The following LAMA1 variants were observed in gnomAD, a reference collection of about 807,000 sequenced individuals.
The protein encoded by LAMA1 is laminin subunit alpha 1.
Under a neutral mutation model 348.7 loss-of-function variants are expected in LAMA1, and 219 were observed. That is an observed-to-expected ratio of 0.63 (90% CI 0.56 to 0.70). The LOEUF (loss-of-function observed/expected upper bound fraction) is 0.70, where lower values mean the gene tolerates loss of function less well. Among genes scored for constraint, LAMA1 ranks in the 30% least tolerant of loss-of-function variants. LAMA1 has a pLI of 0.00. For synonymous variants in LAMA1, 1,487 were observed against 1,491.0 expected (o/e 1.00, Z 0.06); for missense variants, 3,744 against 3,888.0 (o/e 0.96, Z 0.99).
At chr18:7,067,498 T>C (rs1157332519) in intron 3 of LAMA1, among the ~76,000 whole-genome samples, 1 of 149,400 alleles carries the variant, frequency 6.7e-6, no homozygotes, top group Non-Finnish European at 1.5e-5. Context: ...AGGACAGCGG[T>C]TCCTCTGGCT....
At chr18:7,018,048 T>C (rs1460765552) in intron 19 of LAMA1, among the ~76,000 whole-genome samples, 1 of 152,026 alleles carries the variant, frequency 6.6e-6, no homozygotes, top group Non-Finnish European at 1.5e-5. Flanking sequence ...GAATATTTAA[T>C]ATGTTGGCTG....
intron 61 of LAMA1, among the ~76,000 whole-genome samples, chr18:6,944,317 G>A (rs976247688): frequency 5.3e-5 from 8 of 152,078 alleles, no homozygotes; most frequent in African/African-American, 1.4e-4. Flanking sequence ...CACCTGGCCC[G>A]GTCATACCTA....
At position 6,975,866 on chromosome 18, in the gene LAMA1, A is replaced by T; in HGVS notation, c.6489+71T>A. The T allele has an allele frequency of 1.9e-6, 3 of 1,590,442 alleles. No homozygotes were observed. In the Admixed American group the frequency reaches 5.1e-5, roughly 27 times the overall value. On this transcript the variant is annotated intron_variant, in intron 45 of 62. Transcript: ENST00000389658. The stretch of plus-strand genomic sequence containing the variant: ...AAGGCCTATTTTTTTTTCGTCAAAT[A>T]AGTGAAAATTCAGAAAAATCTAGAA...
At chr18:7,078,064 C>CAAAAAA (rs1293065808) in intron 3 of LAMA1, among the ~76,000 whole-genome samples, 3 of 54,814 alleles carry the variant, frequency 5.5e-5, no homozygotes, top group Admixed American at 2.1e-4. Flanking sequence ...AACTCCGTCT[C>CAAAAAA]AAAAAAAAAA....
At chr18:6,946,561 A>G (rs1319595750) in intron 61 of LAMA1, among the ~76,000 whole-genome samples, 1 of 152,122 alleles carries the variant, frequency 6.6e-6, no homozygotes, top group Non-Finnish European at 1.5e-5. Flanking sequence ...CTACTAAAAA[A>G]TACAAAAATT....
intron 1 of LAMA1, among the ~76,000 whole-genome samples, chr18:7,098,622 C>G (rs1255364588): frequency 1.3e-5 from 2 of 151,400 alleles, no homozygotes; most frequent in African/African-American, 4.9e-5. Flanking sequence ...GCAACCGCCC[C>G]GTCTGAGAAG....
At chr18:6,966,962 T>C (rs935540913) in intron 48 of LAMA1, among the ~76,000 whole-genome samples, 2 of 152,208 alleles carry the variant, frequency 1.3e-5, no homozygotes, top group African/African-American at 4.8e-5. Context: ...AAGCCATTCA[T>C]CTGGAACAGA....
intron 57 of LAMA1, chr18:6,954,771 A>ATCT: frequency 3.3e-5 from 6 of 184,272 alleles, no homozygotes; most frequent in South Asian, 1.1e-4. Flanking sequence ...TGACAACAAG[A>ATCT]CGGGCAGGGC....
At chr18:7,000,332 T>C (rs2057802313) in intron 30 of LAMA1, among the ~76,000 whole-genome samples, 1 of 152,068 alleles carries the variant, frequency 6.6e-6, no homozygotes, top group African/African-American at 2.4e-5. Context: ...GCTTACTAAG[T>C]GATAAGGTGG....
chr18:7,021,257 G>A (rs1210035384), intron 19 of LAMA1, among the ~76,000 whole-genome samples: 1 of 152,124 alleles, frequency 6.6e-6, no homozygotes, highest in Non-Finnish European at 1.5e-5. Context: ...ACCCCCGACA[G>A]TCATTCATCG....
At chr18:7,058,799 A>G (rs1353328614) in intron 3 of LAMA1, among the ~76,000 whole-genome samples, 1 of 152,218 alleles carries the variant, frequency 6.6e-6, no homozygotes, top group Non-Finnish European at 1.5e-5. Context: ...GTCTCACCTG[A>G]TTAATACAGG....
rs768885419 is a variant in LAMA1 at position 6,982,497 on chromosome 18, C to A, written c.5890G>T (p.Gly1964Cys). The A allele has an allele frequency of 6.2e-6, 10 of 1,613,950 alleles. No homozygotes were observed. Among genetic ancestry groups the A allele is most frequent in the Admixed American group, 5.0e-5 (3 of 60,000 alleles). Residue 1964 changes from glycine to cysteine, a missense_variant and splice_region_variant, in exon 41 of 63, where the codon GGT (glycine) becomes TGT (cysteine). Gly to Cys is a radical substitution (Grantham distance 159). Coordinates refer to ENST00000389658, the MANE Select transcript of LAMA1 (RefSeq NM_005559.4). Reference sequence around the variant, plus strand: ...TACACCGTCCGAGCCACATACTGACCTGGAAGCTTCCTGCTGAGGTTGTTG... The same window carrying A: ...TACACCGTCCGAGCCACATACTGACATGGAAGCTTCCTGCTGAGGTTGTTG... ...EGNNLSRKLP[G>C]IALELSELRN...
Position 6,999,551 on chromosome 18 carries a change from A to G in LAMA1, c.4557T>C (p.Gly1519=). 1 of 1,614,154 alleles carries G rather than the reference A, an allele frequency of 6.2e-7. No homozygotes were observed. The highest frequency in any genetic ancestry group is 8.5e-7 in the Non-Finnish European group (1 of 1,180,028). The change falls in exon 32 of 63, where the codon GGT becomes GGC. Residue 1519 remains glycine, a synonymous_variant. Transcript: ENST00000389658. The part of the protein sequence containing the change: ...CDCNPHGSVH[G]DCDRTSGQCV... ...ACTGCCCAGATGTGCGGTCACAGTC[A>G]CCGTGGACAGAGCCGTGCGGGTTGC... is the stretch of plus-strand genomic sequence containing the variant.
chr18:6,948,365 A>T (rs370075928), intron 60 of LAMA1, 38 bp downstream of exon 60: 20 of 1,613,824 alleles, frequency 1.2e-5, no homozygotes, highest in Middle Eastern at 1.6e-4. Flanking sequence ...GTACAGACTC[A>T]TTCGGGGACT....
intron 57 of LAMA1, 65 bp from the exon 58 acceptor site, chr18:6,951,036 A>C: frequency 7.2e-7 from 1 of 1,392,670 alleles, no homozygotes; most frequent in Non-Finnish European, 9.9e-7. Context: ...AAAACCTCAA[A>C]AGAGGACCCA....
chr18:7,043,364 C>T lies in LAMA1; in HGVS notation c.1018G>A (p.Glu340Lys). ...HNKAKDCYYD[E>K]SVAKQKKSLN... The stretch of plus-strand genomic sequence containing the variant: ...CTTTTCTTCTGCTTTGCAACACTTT[C>T]ATCATAGTAACAGTCTTTGGCTTTA... The change falls in exon 8 of 63, where the codon GAA becomes AAA. Residue 340 changes from glutamate (E) to lysine (K), a missense_variant. By Grantham distance (56) the Glu-to-Lys change is moderately conservative. Transcript: ENST00000389658. 1 of 1,613,940 alleles carries T rather than the reference C, an allele frequency of 6.2e-7. No individual in the cohort carries two copies. Among genetic ancestry groups the T allele is most frequent in the African/African-American group, 1.3e-5 (1 of 75,054 alleles).
chr18:7,081,476 A>G (rs1024472565), intron 1 of LAMA1, among the ~76,000 whole-genome samples: 1 of 152,140 alleles, frequency 6.6e-6, no homozygotes, highest in Non-Finnish European at 1.5e-5. Flanking sequence ...ATTTTAGAAC[A>G]CAAAGATACA....
chr18:7,040,244 G>C lies in LAMA1; in HGVS notation c.1262-8C>G. 1 of 1,613,990 alleles carries C rather than the reference G, an allele frequency of 6.2e-7. No homozygotes were observed. The highest frequency in any genetic ancestry group is 8.5e-7 in the Non-Finnish European group (1 of 1,180,016). ...ACTGACCTGGCTGCTTCCCTAGAAA[G>C]ACAACAATGGCAATGACCCAACATG... On this transcript the variant is annotated splice_polypyrimidine_tract_variant and splice_region_variant and intron_variant, in intron 9 of 62. Coordinates refer to ENST00000389658, the MANE Select transcript of LAMA1 (RefSeq NM_005559.4).
chr18:6,998,555 G>T (rs1016439213), intron 32 of LAMA1, among the ~76,000 whole-genome samples: 6 of 152,138 alleles, frequency 3.9e-5, no homozygotes, highest in African/African-American at 1.4e-4. Context: ...GAAGGACACT[G>T]GAGAGAATAG....
Sources: gnomAD v4.1 joint callset for allele counts (sites outside exome capture counted in the v4.1 genomes callset) on GRCh38, gnomAD v4.1.1 for gene constraint, MANE v1.5 for transcripts, NCBI Gene and HGNC (gene_info 2026-07-23, HGNC 2026-07-21) for gene names.